The following PRKCQ variants were observed in gnomAD, a reference collection of about 807,000 sequenced individuals.
PRKCQ encodes the protein protein kinase C theta type.
Under a neutral mutation model 91.2 loss-of-function variants are expected in PRKCQ, and 41 were observed. That is an observed-to-expected ratio of 0.45 (90% CI 0.35 to 0.58). The LOEUF is 0.58. PRKCQ is among the 20% of genes least tolerant of loss of function. PRKCQ has a pLI of 0.00. For missense variants in PRKCQ, 673 were observed against 896.5 expected (o/e 0.75, Z 3.18); for synonymous variants, 307 against 316.9 (o/e 0.97, Z 0.33).
rs181324603 is a variant in PRKCQ at position 6,489,164 on chromosome 10, C to T, written c.790+2519G>A. Among the ~76,000 whole-genome samples, 607 of 152,182 alleles carry T rather than the reference C, an allele frequency of 4.0e-3. 4 individuals are homozygous for T. The highest frequency in any genetic ancestry group is 4.1e-3 in the Non-Finnish European group (281 of 68,014). On this transcript the variant is annotated intron_variant, in intron 8 of 17. Transcript: ENST00000263125. ...TTGTCGGCAAAACTCGCATAACTCACATTCGCCCTATTTAGAAGGTGTCAG... is the reference window on the plus strand; with the variant it reads ...TTGTCGGCAAAACTCGCATAACTCATATTCGCCCTATTTAGAAGGTGTCAG...
intron 1 of PRKCQ, among the ~76,000 whole-genome samples, chr10:6,567,307 T>C (rs994554283): frequency 1.3e-5 from 2 of 152,230 alleles, no homozygotes; most frequent in African/African-American, 2.4e-5. Flanking sequence ...GGGATTCTGT[T>C]TGAGAAGAGG....
intron 1 of PRKCQ, among the ~76,000 whole-genome samples, chr10:6,557,758 A>C (rs987115263): frequency 6.6e-6 from 1 of 152,142 alleles, no homozygotes; most frequent in Non-Finnish European, 1.5e-5. Context: ...TGAAACAAAC[A>C]TGAATTCTAC....
intron 1 of PRKCQ, among the ~76,000 whole-genome samples, chr10:6,536,165 T>C (rs1734207103): frequency 6.6e-6 from 1 of 152,092 alleles, no homozygotes; most frequent in South Asian, 2.1e-4. Flanking sequence ...CATTTGAAGG[T>C]CCGGGCAGCC....
At chr10:6,414,669 C>T in the PRKCQ span, among the ~76,000 whole-genome samples, 82 of 151,482 alleles carry the variant, frequency 5.4e-4, no homozygotes, top group African/African-American at 1.8e-3. Context: ...ATAATCAATA[C>T]ATTGATTAGG....
chr10:6,452,570 TACTTC>T (rs1834754755), intron 15 of PRKCQ, among the ~76,000 whole-genome samples: 1 of 149,676 alleles, frequency 6.7e-6, no homozygotes, highest in South Asian at 2.1e-4. Flanking sequence ...TGGAAAAAAC[TACTTC>T]AAAGTTCATA....
chr10:6,436,364 T>C (rs1391100743), intron 16 of PRKCQ, among the ~76,000 whole-genome samples: 1 of 152,180 alleles, frequency 6.6e-6, no homozygotes, highest in Admixed American at 6.5e-5. Flanking sequence ...ATGTCCTGGG[T>C]GCTCTTCACC....
intron 1 of PRKCQ, among the ~76,000 whole-genome samples, chr10:6,572,822 T>C (rs183042555): frequency 5.8e-4 from 88 of 152,308 alleles, no homozygotes; most frequent in African/African-American, 1.9e-3. Flanking sequence ...TCTTCCACAA[T>C]GGTTGGACTA....
rs573111698 is a variant in PRKCQ, at chr10:6,510,806, A to T, written c.318+189T>A. Among the ~76,000 whole-genome samples the T allele has an allele frequency of 7.9e-5, 12 of 152,242 alleles. No homozygotes were observed. In the East Asian group the frequency reaches 1.9e-3, roughly 25 times the overall value. The stretch of plus-strand genomic sequence containing the variant: ...ATGTAGGCATCAAAGAGATCTGAAG[A>T]TGTCAATGTGTTCTACAGCCCATAA... On this transcript the variant is annotated intron_variant, in intron 3 of 17. Coordinates refer to ENST00000263125, the MANE Select transcript of PRKCQ (RefSeq NM_006257.5).
chr10:6,496,520 G>C (rs1041202781), intron 7 of PRKCQ, among the ~76,000 whole-genome samples: 1 of 151,920 alleles, frequency 6.6e-6, no homozygotes, highest in Non-Finnish European at 1.5e-5. Flanking sequence ...GTCACTTCTA[G>C]CTGGGGGTGC....
At chr10:6,479,790 A>C (rs944073162) in intron 11 of PRKCQ, among the ~76,000 whole-genome samples, 2 of 149,056 alleles carry the variant, frequency 1.3e-5, no homozygotes, top group African/African-American at 2.5e-5. Flanking sequence ...AAAAAAAAAA[A>C]AAAAATCCAA....
rs199552531 is a variant in PRKCQ at position 6,576,828 on chromosome 10, ACTG to A, written c.-10+3380_-10+3382del. Among the ~76,000 whole-genome samples, 2,837 of 152,266 alleles carry A rather than the reference ACTG, an allele frequency of 0.019. 75 individuals are homozygous for A. Among genetic ancestry groups the A allele is most frequent in the African/African-American group, 0.065 (2,685 of 41,536 alleles). ...TCCAACTAACCTGACTCTACCACTG[ACTG>A]GTTATAAGACCTGGACAAGGGGCTC... On this transcript the variant is annotated intron_variant, in intron 1 of 17. Transcript: ENST00000263125. The surrounding 1 kb of genome is among the most constrained non-coding windows in gnomAD (Gnocchi z 4.2).
intron 4 of PRKCQ, among the ~76,000 whole-genome samples, chr10:6,499,728 A>C (rs1042957158): frequency 3.3e-5 from 5 of 152,234 alleles, no homozygotes; most frequent in African/African-American, 4.8e-5. Context: ...ATGAGTTAAT[A>C]ATATTCAAAC....
intron 12 of PRKCQ, among the ~76,000 whole-genome samples, chr10:6,475,279 C>T (rs1215676707): frequency 3.3e-5 from 5 of 152,324 alleles, no homozygotes; most frequent in African/African-American, 1.2e-4. Context: ...CTGCCTGTAA[C>T]TCTTACTCTC....
At chr10:6,498,201 C>T (rs150079660) in intron 5 of PRKCQ, among the ~76,000 whole-genome samples, 195 bp downstream of exon 5, 181 of 152,096 alleles carry the variant, frequency 1.2e-3, no homozygotes, top group African/African-American at 4.1e-3. Context: ...CCTGACTAGA[C>T]CTGGCTTCCT....
chr10:6,486,996 A>C (rs1327335696), intron 8 of PRKCQ, among the ~76,000 whole-genome samples: 1 of 152,194 alleles, frequency 6.6e-6, no homozygotes, highest in Admixed American at 6.5e-5. Flanking sequence ...GCTTTGAAAA[A>C]AAAATCACAA....
At chr10:6,568,180 A>G (rs1474473087) in intron 1 of PRKCQ, among the ~76,000 whole-genome samples, 1 of 152,172 alleles carries the variant, frequency 6.6e-6, no homozygotes, top group Non-Finnish European at 1.5e-5. Context: ...ACGCCACTGC[A>G]TTCCAGCCTG....
At chr10:6,481,634 A>G (rs186982553) in intron 11 of PRKCQ, among the ~76,000 whole-genome samples, 2 of 152,326 alleles carry the variant, frequency 1.3e-5, no homozygotes, top group Non-Finnish European at 2.9e-5. Context: ...CCCCAAATGG[A>G]GCTCAATATT....
In PRKCQ at chr10:6,430,769, G is replaced by C; in HGVS notation, c.1965+41C>G. On this transcript the variant is annotated intron_variant, in intron 17 of 17. Transcript: ENST00000263125. The surrounding 1 kb of genome is among the most constrained non-coding windows in gnomAD (Gnocchi z 4.7). ...ACAGGCAGACGGCCCTGAGCGGAGG[G>C]AGAGTGGCTGACACCAAGCGGCCCA... 6.2e-7 allele frequency: 1 copy of C among 1,603,414 alleles called. No homozygotes were observed. Among genetic ancestry groups the C allele is most frequent in the Non-Finnish European group, 8.5e-7 (1 of 1,174,020 alleles).
the PRKCQ span, among the ~76,000 whole-genome samples, chr10:6,408,774 T>C: frequency 3.3e-5 from 5 of 152,368 alleles, no homozygotes; most frequent in South Asian, 1.0e-3. Context: ...GAAGATGCTA[T>C]TTATCCACTC....
Sources: allele counts gnomAD v4.1 joint callset (sites outside exome capture counted in the v4.1 genomes callset), GRCh38; gene constraint gnomAD v4.1.1; non-coding constraint Gnocchi (gnomAD v3.1); transcripts MANE v1.5; gene names NCBI Gene and HGNC (gene_info 2026-07-23, HGNC 2026-07-21).